Variants in PCNT observed in about 807,000 individuals in gnomAD.
PCNT encodes pericentrin.
In PCNT, 319 loss-of-function variants were observed where a neutral mutation model predicts 380.4. The observed-to-expected ratio is 0.84, with a 90% CI of 0.77 to 0.92. The LOEUF (loss-of-function observed/expected upper bound fraction) is 0.92. Among genes scored for constraint, PCNT ranks in the 40% least tolerant of loss-of-function variants. The probability of loss-of-function intolerance (pLI) is 0.00; values close to 1 mark genes in which losing one functional copy is unlikely to be tolerated. For synonymous variants in PCNT, 1,845 were observed against 1,735.2 expected (o/e 1.06, Z -1.57); for missense variants, 4,400 against 4,255.3 (o/e 1.03, Z -0.95).
At chr21:46,351,272 C>T (rs908882502) in intron 8 of PCNT, among the ~76,000 whole-genome samples, 157 bp from the exon 9 acceptor site, 3 of 152,178 alleles carry the variant, frequency 2.0e-5, no homozygotes, top group East Asian at 1.9e-4. Context: ...AGAGCTCTCT[C>T]GGTCTCTGCT....
chr21:46,428,732 A>G lies in PCNT; in HGVS notation c.7690+142A>G. On this transcript the variant is annotated intron_variant, in intron 35 of 46. Coordinates refer to ENST00000359568, the MANE Select transcript of PCNT (RefSeq NM_006031.6). ...TGAGTGTTGCCATGGTTGTCAGCTG[A>G]TAGGACTGAGCAGAAAGGACCCTGG... 3 of 806,866 alleles carry G rather than the reference A, an allele frequency of 3.7e-6. 1 individual carries two copies. The highest frequency in any genetic ancestry group is 6.1e-6 in the Non-Finnish European group (3 of 494,726). The allele number at this position is 806,866 out of a possible 1,614,324, so 50.0% of individuals were successfully genotyped here.
chr21:46,445,186 A>C, intron 46 of PCNT, 98 bp from the exon 47 acceptor site: 1 of 857,874 alleles, frequency 1.2e-6, no homozygotes, highest in Non-Finnish European at 2.0e-6. Context: ...CAAAATTTAC[A>C]TGAATTCAGT....
chr21:46,356,712 G>A (rs1024298102), intron 12 of PCNT, among the ~76,000 whole-genome samples: 3 of 152,256 alleles, frequency 2.0e-5, no homozygotes, highest in African/African-American at 4.8e-5. Context: ...GCCTGGGCGG[G>A]TCGTGTGGCT....
At chr21:46,377,883 A>ACCCCCCACTCGTTAGCATTTC (rs2085380008) in intron 15 of PCNT, among the ~76,000 whole-genome samples, 2 of 77,068 alleles carry the variant, frequency 2.6e-5, no homozygotes, top group African/African-American at 2.1e-4. Context: ...AAAACAAGAA[A>ACCCCCCACTCGTTAGCATTTC]CTCCCCATTC....
intron 15 of PCNT, among the ~76,000 whole-genome samples, chr21:46,380,361 C>CCAG (rs141805654): frequency 0.02 from 3,010 of 151,672 alleles, 108 homozygotes; most frequent in African/African-American, 0.069. Flanking sequence ...GGGGTTTCAC[C>CCAG]ATGTTAGCCA....
chr21:46,324,776 C>CCT (rs2083310206), intron 1 of PCNT: 2 of 663,724 alleles, frequency 3.0e-6, no homozygotes, highest in Non-Finnish European at 3.7e-6. Context: ...GGTCTAGGGC[C>CCT]AGTTTCCTGC....
chr21:46,349,567 G>A (rs2084193653), intron 7 of PCNT, 117 bp from the exon 8 acceptor site: 2 of 1,101,078 alleles, frequency 1.8e-6, no homozygotes, highest in African/African-American at 3.1e-5. Context: ...GGGGCCCGGG[G>A]GCGCCCAGGA....
intron 15 of PCNT, among the ~76,000 whole-genome samples, chr21:46,380,522 CA>C (rs2085493230): frequency 6.6e-6 from 1 of 151,606 alleles, no homozygotes; most frequent in Admixed American, 6.6e-5. Context: ...AGGTGCCCGG[CA>C]GGTGGGCTCG....
intron 2 of PCNT, among the ~76,000 whole-genome samples, chr21:46,327,930 G>T (rs1489249296): frequency 6.6e-6 from 1 of 152,306 alleles, no homozygotes; most frequent in East Asian, 1.9e-4. Flanking sequence ...TCCTGAAGGG[G>T]CTGGCCTTCC....
intron 13 of PCNT, among the ~76,000 whole-genome samples, chr21:46,362,218 G>A (rs183384993): frequency 2.2e-3 from 336 of 152,292 alleles, no homozygotes; most frequent in Middle Eastern, 3.4e-3. Flanking sequence ...CTGAGACGTG[G>A]GCGGGTTCCT....
chr21:46,444,565 C>A (rs1214427356), intron 45 of PCNT, 129 bp from the exon 46 acceptor site: 2 of 931,278 alleles, frequency 2.1e-6, no homozygotes, highest in Non-Finnish European at 1.7e-6. Flanking sequence ...CCCAGAGTCA[C>A]CCATCCCCAC....
chr21:46,363,389 T>A (rs2084785736), intron 13 of PCNT, 91 bp from the exon 14 acceptor site: 1 of 925,498 alleles, frequency 1.1e-6, no homozygotes, highest in African/African-American at 1.6e-5. Flanking sequence ...TGGTGAAAAT[T>A]CCCTGTCTTC....
intron 3 of PCNT, among the ~76,000 whole-genome samples, chr21:46,343,128 C>T (rs1310257803): frequency 2.6e-5 from 4 of 152,050 alleles, no homozygotes; most frequent in South Asian, 2.1e-4. Context: ...GACTGTTTTT[C>T]CTCTTTACTG....
In PCNT at chr21:46,357,132, A is replaced by G. The variant is rs778889844; in HGVS notation, c.2095A>G (p.Asn699Asp). The G allele has an allele frequency of 6.2e-7, 1 of 1,614,058 alleles. No homozygotes were observed. The highest frequency in any genetic ancestry group is 2.2e-5 in the East Asian group (1 of 44,878). Residue 699 changes from asparagine to aspartate, a missense_variant, in exon 13 of 47, where the codon AAT (asparagine) becomes GAT (aspartate). Coordinates refer to ENST00000359568, the MANE Select transcript of PCNT (RefSeq NM_006031.6). Reference protein sequence around the residue: ...KEEIELLKIENRNLYGKLQHE... With the variant: ...KEEIELLKIEDRNLYGKLQHE... ...AGAAATTGAACTCCTAAAAATAGAA[A>G]ATAGAAATTTGTATGGGAAGTTGCA...
intron 31 of PCNT, 53 bp from the exon 32 acceptor site, chr21:46,421,917 G>C: frequency 6.2e-7 from 1 of 1,603,684 alleles, no homozygotes. Flanking sequence ...TGCGTCCCCT[G>C]GGGAACCCCC....
intron 13 of PCNT, among the ~76,000 whole-genome samples, chr21:46,361,605 G>C (rs1274844939): frequency 2.6e-5 from 4 of 151,950 alleles, no homozygotes; most frequent in Non-Finnish European, 5.9e-5. Context: ...TGGAAAACAT[G>C]TGTTTGAAAG....
At chr21:46,408,960 G>A (rs1223550058) in intron 27 of PCNT, among the ~76,000 whole-genome samples, 1 of 151,826 alleles carries the variant, frequency 6.6e-6, no homozygotes, top group Non-Finnish European at 1.5e-5. Flanking sequence ...TTGACCTCTG[G>A]TGACCCACCT....
chr21:46,441,934 G>A (rs576167761), intron 43 of PCNT, among the ~76,000 whole-genome samples: 12 of 152,276 alleles, frequency 7.9e-5, no homozygotes, highest in African/African-American at 2.6e-4. Context: ...CCTCAAAGGA[G>A]GGAAGCCACA....
Position 46,440,116 on chromosome 21 carries a change from A to T in PCNT, c.9307A>T (p.Thr3103Ser), listed in dbSNP as rs762519501. The T allele has an allele frequency of 2.5e-6, 4 of 1,614,090 alleles. No homozygotes were observed. The Admixed American group carries it at 6.7e-5, about 27-fold the overall frequency. Residue 3103 changes from threonine (T) to serine (S), a missense_variant, in exon 42 of 47, where the codon ACG becomes TCG. Physicochemically the swap from Thr to Ser is moderately conservative, Grantham distance 58. Transcript: ENST00000359568. Reference protein sequence around the residue: ...SERSAWKPDETAPQSSLRRPD... With the variant: ...SERSAWKPDESAPQSSLRRPD... ...AAGGTCTGCTTGGAAGCCAGACGAA[A>T]CGGCTCCACAGAGTTCCCTGAGGCG...
Sources: gnomAD v4.1 joint callset for allele counts (sites outside exome capture counted in the v4.1 genomes callset) on GRCh38, gnomAD v4.1.1 for gene constraint, MANE v1.5 for transcripts, NCBI Gene and HGNC (gene_info 2026-07-23, HGNC 2026-07-21) for gene names.